The following ATP10A variants were observed in gnomAD, a reference collection of about 807,000 sequenced individuals.
The protein encoded by ATP10A is ATPase phospholipid transporting 10A (putative), also known as phospholipid-transporting ATPase VA.
ATP10A carries 111 observed loss-of-function variants against 147.8 expected under a neutral mutation model. The ratio of observed to expected loss-of-function variants is 0.75; its 90% CI spans 0.64 to 0.88. ATP10A has a LOEUF of 0.88. Among genes scored for constraint, ATP10A ranks in the 40% least tolerant of loss-of-function variants. The probability of loss-of-function intolerance (pLI) is 0.00; values close to 1 mark genes in which losing one functional copy is unlikely to be tolerated. For synonymous variants in ATP10A, 875 were observed against 841.6 expected, an observed-to-expected ratio of 1.04 and a Z score of -0.69; for missense variants, 1,927 against 1,959.0, an observed-to-expected ratio of 0.98 and a Z score of 0.31.
At position 25,718,311 on chromosome 15, in the gene ATP10A, G is replaced by A. The variant is rs1214064947; in HGVS notation, c.1452C>T (p.Ile484=). The change falls in exon 8 of 21, where the codon ATC becomes ATT. Residue 484 remains isoleucine (I), a synonymous_variant. Transcript: ENST00000555815. ...RGGSVSQRGS[I]GSHQSVRVVH... ...CCACCCGGACACTCTGGTGGCTGCC[G>A]ATGCTGCCGCGCTGGGACACCGAGC... is the stretch of plus-strand genomic sequence containing the variant. The A allele has an allele frequency of 3.1e-6, 5 of 1,611,412 alleles. No homozygotes were observed. The highest frequency in any genetic ancestry group is 1.3e-5 in the African/African-American group (1 of 75,026).
chr15:25,681,896 A>G (rs1222366361), intron 17 of ATP10A, among the ~76,000 whole-genome samples: 1 of 152,052 alleles, frequency 6.6e-6, no homozygotes, highest in Non-Finnish European at 1.5e-5. Context: ...TACTAAACAT[A>G]TAGAAAAATT....
chr15:25,820,176 C>A (rs1891822117), intron 1 of ATP10A, among the ~76,000 whole-genome samples: 2 of 152,074 alleles, frequency 1.3e-5, no homozygotes, highest in South Asian at 4.2e-4. Context: ...TAATTTTAAA[C>A]CTTCAATAAA....
intron 14 of ATP10A, 22 bp from the exon 15 acceptor site, chr15:25,691,813 A>C (rs746541844): frequency 3.7e-5 from 60 of 1,613,834 alleles, no homozygotes; most frequent in Non-Finnish European, 4.8e-5. Flanking sequence ...ACAGGCAAGA[A>C]GAATTGTTTG....
intron 2 of ATP10A, among the ~76,000 whole-genome samples, chr15:25,747,131 A>G (rs1887885108): frequency 6.6e-6 from 1 of 152,066 alleles, no homozygotes; most frequent in Non-Finnish European, 1.5e-5. Context: ...TACTATAACT[A>G]CAAAACATTA....
At chr15:25,827,550 C>T (rs1017283523) in intron 1 of ATP10A, among the ~76,000 whole-genome samples, 2 of 152,124 alleles carry the variant, frequency 1.3e-5, no homozygotes, top group Non-Finnish European at 2.9e-5. Context: ...GTTTTCATGG[C>T]ACTGTAATTA....
At chr15:25,764,298 T>C (rs989949398) in intron 2 of ATP10A, among the ~76,000 whole-genome samples, 1 of 152,230 alleles carries the variant, frequency 6.6e-6, no homozygotes, top group Non-Finnish European at 1.5e-5. Flanking sequence ...GGATGTTCCC[T>C]GCTACAGATG....
At chr15:25,831,564 A>G (rs545795207) in intron 1 of ATP10A, among the ~76,000 whole-genome samples, 26 of 152,294 alleles carry the variant, frequency 1.7e-4, no homozygotes, top group African/African-American at 6.0e-4. Context: ...TCACAGATTC[A>G]GCTAAATACC....
At chr15:25,847,524 C>T (rs1050555493) in intron 1 of ATP10A, among the ~76,000 whole-genome samples, 1 of 141,428 alleles carries the variant, frequency 7.1e-6, no homozygotes, top group African/African-American at 2.6e-5. Context: ...GTATCATGAT[C>T]TTTGCGGGTC....
chr15:25,822,359 T>G (rs562194890), intron 1 of ATP10A, among the ~76,000 whole-genome samples: 24 of 152,198 alleles, frequency 1.6e-4, no homozygotes, highest in Non-Finnish European at 3.1e-4. Flanking sequence ...CCTATGTTTT[T>G]TCAGCATTTC....
intron 12 of ATP10A, among the ~76,000 whole-genome samples, chr15:25,703,834 C>T (rs1900813235): frequency 6.6e-6 from 1 of 152,216 alleles, no homozygotes; most frequent in South Asian, 2.1e-4. Context: ...GGGCCTAGCT[C>T]CCATGTCGGG....
At chr15:25,845,993 G>A (rs1893009928) in intron 1 of ATP10A, among the ~76,000 whole-genome samples, 1 of 152,202 alleles carries the variant, frequency 6.6e-6, no homozygotes, top group East Asian at 1.9e-4. Flanking sequence ...AGGAGGCTCT[G>A]GCACATGCTC....
rs1901849203 is a variant in ATP10A at position 25,716,850 on chromosome 15, C to G, written c.1656G>C (p.Arg552Ser). The G allele has an allele frequency of 6.2e-7, 1 of 1,610,798 alleles. No homozygotes were observed. The highest frequency in any genetic ancestry group is 8.5e-7 in the Non-Finnish European group (1 of 1,178,650). Residue 552 changes from arginine to serine, a missense_variant, in exon 9 of 21, where the codon AGG becomes AGC. Physicochemically the swap from Arg to Ser is moderately radical, Grantham distance 110. Transcript: ENST00000555815. ...SECDKSLAVA[R>S]HQEHLLAHLS... ...GGTGGGCCAGCAGGTGCTCCTGATG[C>G]CTCGCCACGGCTAGGCTCTTGTCAC... is the stretch of plus-strand genomic sequence containing the variant.
At chr15:25,777,066 T>C (rs1384715107) in intron 2 of ATP10A, among the ~76,000 whole-genome samples, 1 of 150,926 alleles carries the variant, frequency 6.6e-6, no homozygotes, top group African/African-American at 2.4e-5. Context: ...GGGGTGTGTG[T>C]GTGTGTGCAT....
At chr15:25,779,707 C>T (rs1475551878) in intron 2 of ATP10A, among the ~76,000 whole-genome samples, 2 of 152,212 alleles carry the variant, frequency 1.3e-5, no homozygotes, top group Admixed American at 6.5e-5. Flanking sequence ...ACTCTTTCAC[C>T]AGCTCTCCTG....
At chr15:25,825,827 A>G (rs1404737711) in intron 1 of ATP10A, among the ~76,000 whole-genome samples, 2 of 152,216 alleles carry the variant, frequency 1.3e-5, no homozygotes, top group Non-Finnish European at 2.9e-5. Flanking sequence ...ATAAGAAAAG[A>G]AAGTCCATGC....
At chr15:25,747,333 G>A (rs1028349141) in intron 2 of ATP10A, among the ~76,000 whole-genome samples, 3 of 149,470 alleles carry the variant, frequency 2.0e-5, no homozygotes, top group Non-Finnish European at 3.0e-5. Flanking sequence ...CTTGTACTAC[G>A]TATCAAAGAT....
At chr15:25,676,250 C>T (rs1028508403), downstream of ATP10A, among the ~76,000 whole-genome samples, 1 of 152,178 alleles carries the variant, frequency 6.6e-6, no homozygotes, top group Admixed American at 6.5e-5. Flanking sequence ...AGGGCAGGTG[C>T]CTCCTGGCCA....
Position 25,694,694 on chromosome 15 carries a change from G to A in ATP10A, c.3088+125C>T, listed in dbSNP as rs553722256. 8.1e-6 allele frequency: 7 copies of A among 860,900 alleles called. No homozygotes were observed. The East Asian group carries it at 1.9e-4, about 23-fold the overall frequency. The allele number at this position is 860,900 out of a possible 1,614,324, so 53.3% of individuals were successfully genotyped here. The stretch of plus-strand genomic sequence containing the variant: ...ACATGTTGCCTGCTCTATCACACTG[G>A]GTGTGATTTTACACACAGAAAGAAA... On this transcript the variant is annotated intron_variant, in intron 14 of 20. Coordinates refer to ENST00000555815, the MANE Select transcript of ATP10A (RefSeq NM_024490.4).
chr15:25,808,635 C>T lies in ATP10A; in HGVS notation c.450-27412G>A, dbSNP rs559534415. 9.8e-5 allele frequency among the ~76,000 whole-genome samples: 15 copies of T among 152,326 alleles called. No individual in the cohort carries two copies. In the East Asian group the frequency reaches 2.5e-3, roughly 26 times the overall value. On this transcript the variant is annotated intron_variant, in intron 1 of 20. Coordinates refer to ENST00000555815, the MANE Select transcript of ATP10A (RefSeq NM_024490.4). ...CCAACCTCAGGTGATCCACCCGCCTCGGACTCCCCAAGTTCTGGGATTACA... is the reference window on the plus strand; with the variant it reads ...CCAACCTCAGGTGATCCACCCGCCTTGGACTCCCCAAGTTCTGGGATTACA...
Sources: allele counts gnomAD v4.1 joint callset (sites outside exome capture counted in the v4.1 genomes callset), GRCh38; gene constraint gnomAD v4.1.1; transcripts MANE v1.5; gene names NCBI Gene and HGNC (gene_info 2026-07-23, HGNC 2026-07-21).